Variants in AGBL2 observed in about 807,000 individuals in gnomAD.
AGBL2 encodes AGBL carboxypeptidase 2.
Under a neutral mutation model 103.0 loss-of-function variants are expected in AGBL2, and 87 were observed. That is an observed-to-expected ratio of 0.84 (90% CI 0.71 to 1.01). The LOEUF is 1.01. Among genes scored for constraint, AGBL2 ranks in the 50% least tolerant of loss-of-function variants. The pLI is 0.00. For missense variants in AGBL2, 904 were observed against 1,023.5 expected (o/e 0.88, Z 1.59); for synonymous variants, 335 against 356.7 (o/e 0.94, Z 0.69).
intron 7 of AGBL2, among the ~76,000 whole-genome samples, chr11:47,703,254 C>T (rs896244058): frequency 2.6e-5 from 4 of 151,720 alleles, no homozygotes; most frequent in Non-Finnish European, 5.9e-5. Flanking sequence ...AGGGTAGCAC[C>T]CCTGTATTTT....
At position 47,690,712 on chromosome 11, in the gene AGBL2, TAA is replaced by T; in HGVS notation, c.993_994del (p.Thr333CysfsTer26). On this transcript the variant is annotated frameshift_variant, in exon 10 of 19. Transcript: ENST00000525123. LOFTEE classifies it high-confidence loss of function. Reference sequence around the variant, plus strand: ...CAAGAGTGGCTTCATCCCTACAGTATAAAGACTCTTGGGTTTTAGCAAGTTGA... The same window carrying T: ...CAAGAGTGGCTTCATCCCTACAGTATAGACTCTTGGGTTTTAGCAAGTTGA... 6.2e-7 allele frequency: 1 copy of T among 1,614,132 alleles called. No homozygotes were observed. The highest frequency in any genetic ancestry group is 8.5e-7 in the Non-Finnish European group (1 of 1,180,026).
rs1298928779 is a variant in AGBL2 at position 47,703,913 on chromosome 11, G to A, written c.586+630C>T. Among the ~76,000 whole-genome samples the A allele has an allele frequency of 5.5e-4, 64 of 116,654 alleles. 1 individual carries two copies. Among genetic ancestry groups the A allele is most frequent in the Admixed American group, 3.5e-3 (34 of 9,628 alleles). 76.5% of individuals were successfully genotyped at this position (116,654 alleles called of 152,430 possible). Reference sequence around the variant, plus strand: ...GCACTCCAGCCTGGGCAACAAGAGCGAAAGTCAGTCTCAAAAAAAAAAAAA... The same window carrying A: ...GCACTCCAGCCTGGGCAACAAGAGCAAAAGTCAGTCTCAAAAAAAAAAAAA... On this transcript the variant is annotated intron_variant, in intron 7 of 18. Coordinates refer to ENST00000525123, the MANE Select transcript of AGBL2 (RefSeq NM_024783.4).
chr11:47,693,176 CT>C (rs528422267), intron 8 of AGBL2, among the ~76,000 whole-genome samples: 1 of 150,910 alleles, frequency 6.6e-6, no homozygotes, highest in Non-Finnish European at 1.5e-5. Context: ...TCCTTCCTTC[CT>C]TTTTTTGACA....
intron 13 of AGBL2, among the ~76,000 whole-genome samples, chr11:47,679,701 G>C (rs1314144712): frequency 2.6e-5 from 4 of 151,520 alleles, no homozygotes; most frequent in African/African-American, 9.7e-5. Flanking sequence ...GAGTGCAGTG[G>C]TGTGATCTCG....
chr11:47,660,254 A>T lies in AGBL2; in HGVS notation c.2628T>A (p.Pro876=), dbSNP rs758690843. ...TCTTTGTGGCAGGATATCTGCTCCT[A>T]GGCCAGTTTGGCTTCATACCTGGAG... ...EPAPGMKPNW[P]RSRYPATKRG... The change falls in exon 19 of 19, where the codon CCT becomes CCA. Residue 876 remains proline, a synonymous_variant. Transcript: ENST00000525123. 5.6e-6 allele frequency: 9 copies of T among 1,614,088 alleles called. No individual in the cohort carries two copies. Among genetic ancestry groups the T allele is most frequent in the Non-Finnish European group, 6.8e-6 (8 of 1,180,048 alleles).
chr11:47,705,563 T>C lies in AGBL2; in HGVS notation c.358A>G (p.Lys120Glu). 2.2e-6 allele frequency: 1 copy of C among 446,108 alleles called. No individual in the cohort carries two copies. Among genetic ancestry groups the C allele is most frequent in the Non-Finnish European group, 4.2e-6 (1 of 240,292 alleles). The allele number at this position is 446,108 out of a possible 1,614,324, so 27.6% of individuals were successfully genotyped here. Residue 120 changes from lysine to glutamate, a missense_variant, in exon 6 of 19, where the codon AAG becomes GAG. Physicochemically the swap from Lys to Glu is moderately conservative, Grantham distance 56. Transcript: ENST00000525123. ...SSLQPPPPRF[K>E]DSPASAFRVA... ...CGGAAAGCTGAGGCAGGAGAATCCT[T>C]GAATCTGGGAGGTGGAGGTTGCAGT...
chr11:47,671,314 A>G (rs542715815), intron 14 of AGBL2, among the ~76,000 whole-genome samples: 1 of 152,202 alleles, frequency 6.6e-6, no homozygotes, highest in Non-Finnish European at 1.5e-5. Context: ...CAGGAATTCG[A>G]GACAAGCCTG....
chr11:47,682,910 CAA>C (rs2097406860), intron 11 of AGBL2, among the ~76,000 whole-genome samples: 1 of 150,578 alleles, frequency 6.6e-6, no homozygotes, highest in Non-Finnish European at 1.5e-5. Flanking sequence ...TTCCCTGCTT[CAA>C]TTAGTTTGTT....
intron 6 of AGBL2, chr11:47,704,999 C>T (rs1231560685): frequency 3.7e-6 from 1 of 267,030 alleles, no homozygotes; most frequent in East Asian, 6.7e-5. Context: ...TTTAATGGTC[C>T]AAGACATTTC....
At chr11:47,675,172 C>T (rs1347813440) in intron 14 of AGBL2, among the ~76,000 whole-genome samples, 1 of 148,056 alleles carries the variant, frequency 6.8e-6, no homozygotes, top group African/African-American at 2.5e-5. Context: ...TCTCTATCTG[C>T]ACTTACTTCC....
At chr11:47,675,437 C>T (rs371805424) in intron 14 of AGBL2, among the ~76,000 whole-genome samples, 35 of 118,144 alleles carry the variant, frequency 3.0e-4, no homozygotes, top group East Asian at 5.6e-4. Context: ...CAGGCTGAAA[C>T]GCAGTGGCGC....
At chr11:47,713,196 T>G (rs2135042262) in intron 3 of AGBL2, among the ~76,000 whole-genome samples, 1 of 151,404 alleles carries the variant, frequency 6.6e-6, no homozygotes, top group Admixed American at 6.6e-5. Context: ...ACAAAAAAAT[T>G]AGCTGGGAGT....
In AGBL2 at chr11:47,663,067, T is replaced by C. The variant is rs2097332162; in HGVS notation, c.2494A>G (p.Met832Val). 5 of 1,611,980 alleles carry C rather than the reference T, an allele frequency of 3.1e-6. No homozygotes were observed. Among genetic ancestry groups the C allele is most frequent in the Non-Finnish European group, 4.2e-6 (5 of 1,179,486 alleles). The change falls in exon 18 of 19, where the codon ATG (methionine) becomes GTG (valine). Residue 832 changes from methionine (M) to valine (V), a missense_variant. Coordinates refer to ENST00000525123, the MANE Select transcript of AGBL2 (RefSeq NM_024783.4). Reference protein sequence around the residue: ...RDKDTPLDPSMATLILPKNKG... With the variant: ...RDKDTPLDPSVATLILPKNKG... Reference sequence around the variant, plus strand: ...TTCTTAGGCAGAATCAGGGTGGCCATTGATGGGTCCAGGGGGGTGTCTTTG... The same window carrying C: ...TTCTTAGGCAGAATCAGGGTGGCCACTGATGGGTCCAGGGGGGTGTCTTTG...
intron 14 of AGBL2, among the ~76,000 whole-genome samples, chr11:47,675,658 G>C (rs2097372449): frequency 6.6e-6 from 1 of 152,002 alleles, no homozygotes; most frequent in African/African-American, 2.4e-5. Context: ...CAAAGAGTGG[G>C]AATTACAGGT....
chr11:47,663,761 G>A (rs1168650484), intron 17 of AGBL2, among the ~76,000 whole-genome samples: 1 of 151,858 alleles, frequency 6.6e-6, no homozygotes, highest in East Asian at 1.9e-4. Flanking sequence ...TTTCCATGTT[G>A]GTCAGGCTGG....
intron 7 of AGBL2, among the ~76,000 whole-genome samples, chr11:47,700,206 C>G (rs898294425): frequency 5.9e-5 from 9 of 152,148 alleles, no homozygotes; most frequent in African/African-American, 2.2e-4. Context: ...ATCCGCCCTC[C>G]TCTGCCTCCC....
chr11:47,681,694 G>A (rs747545057), intron 12 of AGBL2, among the ~76,000 whole-genome samples: 17 of 152,190 alleles, frequency 1.1e-4, no homozygotes, highest in African/African-American at 4.1e-4. Context: ...TCCTGACCTC[G>A]TGATCTGCCC....
intron 14 of AGBL2, among the ~76,000 whole-genome samples, chr11:47,672,391 T>G (rs554394212): frequency 6.6e-6 from 1 of 152,100 alleles, no homozygotes; most frequent in Non-Finnish European, 1.5e-5. Context: ...CTTGACTCAC[T>G]GCAGCCTTGA....
chr11:47,689,658 A>T (rs1006231701), intron 10 of AGBL2, among the ~76,000 whole-genome samples: 2 of 152,120 alleles, frequency 1.3e-5, no homozygotes, highest in African/African-American at 4.8e-5. Context: ...TGCCTACCTC[A>T]TAATGTTAAT....
Sources: gnomAD v4.1 joint callset for allele counts (sites outside exome capture counted in the v4.1 genomes callset) on GRCh38, gnomAD v4.1.1 for gene constraint, MANE v1.5 for transcripts, NCBI Gene and HGNC (gene_info 2026-07-23, HGNC 2026-07-21) for gene names.